Variants in COG7 observed in about 807,000 individuals in gnomAD.
COG7 encodes conserved oligomeric Golgi complex subunit 7.
A neutral mutation model predicts 91.5 loss-of-function variants in COG7; 49 were observed. The observed-to-expected ratio is 0.54, with a 90% CI of 0.43 to 0.68. The LOEUF (loss-of-function observed/expected upper bound fraction) is 0.68. Among genes scored for constraint, COG7 ranks in the 30% least tolerant of loss-of-function variants. The pLI, the probability that COG7 is intolerant of heterozygous loss-of-function variation, is 0.00. For missense variants in COG7, 895 were observed against 961.3 expected (o/e 0.93, Z 0.91); for synonymous variants, 365 against 388.7 (o/e 0.94, Z 0.72).
At chr16:23,427,657 G>A (rs1963870131) in intron 6 of COG7, among the ~76,000 whole-genome samples, 1 of 152,124 alleles carries the variant, frequency 6.6e-6, no homozygotes, top group Admixed American at 6.6e-5. Flanking sequence ...TCCAACTTCT[G>A]TGTTCCCGTC....
Position 23,452,699 on chromosome 16 carries a change from C to T in COG7, c.169+127G>A, listed in dbSNP as rs567718650. On this transcript the variant is annotated intron_variant, in intron 1 of 16. Coordinates refer to ENST00000307149, the MANE Select transcript of COG7 (RefSeq NM_153603.4). ...GACGTGATCAGGAGTTCGGGGCTTG[C>T]TCTTTTGCCGAGGGTATTTGCTGTC... 7.0e-4 allele frequency: 1,028 copies of T among 1,467,120 alleles called. 2 individuals are homozygous for T. The highest frequency in any genetic ancestry group is 4.0e-3 in the Middle Eastern group (16 of 4,046). The allele number at this position is 1,467,120 out of a possible 1,614,324, so 90.9% of individuals were successfully genotyped here. A position where few individuals can be genotyped will look rare whatever the true frequency, so the allele number is the denominator to read the frequency against.
chr16:23,406,508 A>G (rs1011654040), intron 11 of COG7, among the ~76,000 whole-genome samples: 2 of 152,134 alleles, frequency 1.3e-5, no homozygotes, highest in African/African-American at 2.4e-5. Flanking sequence ...AGAACATGCT[A>G]TCTCCCTAAT....
intron 16 of COG7, chr16:23,392,102 G>A: frequency 7.5e-7 from 1 of 1,337,490 alleles, no homozygotes. Flanking sequence ...GTGGGGCCAG[G>A]CTGCAGGACT....
chr16:23,394,510 GT>G lies in COG7; in HGVS notation c.1888-1164del, dbSNP rs972727693. ...TTAAAAGGTCTTTCTGCCTGTTGTT[GT>G]TTTTTTTTTCTTCCTGCTACATATT... On this transcript the variant is annotated intron_variant, in intron 14 of 16. Coordinates refer to ENST00000307149, the MANE Select transcript of COG7 (RefSeq NM_153603.4). 6.1e-5 allele frequency among the ~76,000 whole-genome samples: 9 copies of G among 148,374 alleles called. No homozygotes were observed. In the South Asian group the frequency reaches 6.4e-4, roughly 11 times the overall value.
intron 16 of COG7, among the ~76,000 whole-genome samples, chr16:23,391,618 CTG>C (rs1164185234): frequency 6.6e-6 from 1 of 152,272 alleles, no homozygotes; most frequent in Non-Finnish European, 1.5e-5. Flanking sequence ...GAAGCTCTGG[CTG>C]TGTCCCCAGG....
chr16:23,409,890 C>T (rs1013559648), intron 11 of COG7, among the ~76,000 whole-genome samples: 1 of 152,156 alleles, frequency 6.6e-6, no homozygotes, highest in Admixed American at 6.5e-5. Context: ...TAAGTTCACC[C>T]CGATCCTGAA....
intron 6 of COG7, among the ~76,000 whole-genome samples, chr16:23,431,528 G>A (rs2142085912): frequency 6.6e-6 from 1 of 152,178 alleles, no homozygotes; most frequent in South Asian, 2.1e-4. Flanking sequence ...TTTTTTTCTT[G>A]GCCGGGCACA....
Position 23,452,861 on chromosome 16 carries a change from T to C in COG7, c.134A>G (p.Gln45Arg). The part of the protein sequence containing the change: ...GHAATLVMKL[Q>R]LFIQEVNHAV... ...GTGGTTCACCTCTTGGATGAACAGC[T>C]GCAGCTTCATCACCAGGGTGGCTGC... Residue 45 changes from glutamine to arginine, a missense_variant, in exon 1 of 17, where the codon CAG (glutamine) becomes CGG (arginine). Gln to Arg is a conservative substitution (Grantham distance 43, BLOSUM62 1). Coordinates refer to ENST00000307149, the MANE Select transcript of COG7 (RefSeq NM_153603.4). 1 of 1,613,820 alleles carries C rather than the reference T, an allele frequency of 6.2e-7. No individual in the cohort carries two copies. Among genetic ancestry groups the C allele is most frequent in the Non-Finnish European group, 8.5e-7 (1 of 1,179,928 alleles).
intron 6 of COG7, among the ~76,000 whole-genome samples, chr16:23,432,353 T>C (rs924031968): frequency 2.0e-5 from 3 of 151,824 alleles, no homozygotes; most frequent in African/African-American, 7.3e-5. Flanking sequence ...AAATAAAATA[T>C]GGGGAACGTG....
At chr16:23,452,544 T>C (rs1403666103) in intron 1 of COG7, among the ~76,000 whole-genome samples, 3 of 151,956 alleles carry the variant, frequency 2.0e-5, no homozygotes, top group Non-Finnish European at 4.4e-5. Context: ...AGAGACCCTG[T>C]TTCAAAAGAA....
intron 9 of COG7, chr16:23,415,837 C>G (rs1429979291): frequency 6.6e-6 from 1 of 152,128 alleles, no homozygotes; most frequent in Non-Finnish European, 1.5e-5. Flanking sequence ...TTCCCCAAAC[C>G]CTCCTCACTA....
At chr16:23,427,484 A>C (rs563694830) in intron 6 of COG7, among the ~76,000 whole-genome samples, 3 of 151,992 alleles carry the variant, frequency 2.0e-5, no homozygotes, top group Admixed American at 6.6e-5. Context: ...AAAAGAAAAA[A>C]AAAAAACAAA....
chr16:23,442,639 C>G lies in COG7; in HGVS notation c.442G>C (p.Ala148Pro), dbSNP rs1369361433. 1 of 1,613,402 alleles carries G rather than the reference C, an allele frequency of 6.2e-7. No individual in the cohort carries two copies. The highest frequency in any genetic ancestry group is 1.3e-5 in the African/African-American group (1 of 75,026). ...IEETFKTQDI[A>P]VISAKLTGMQ... Reference sequence around the variant, plus strand: ...CCTGTTAGCTTGGCAGAAATCACAGCTATGTCCTAGAAAAGACCAGAATAG... The same window carrying G: ...CCTGTTAGCTTGGCAGAAATCACAGGTATGTCCTAGAAAAGACCAGAATAG... Residue 148 changes from alanine (A) to proline (P), a missense_variant, in exon 4 of 17, where the codon GCT (alanine) becomes CCT (proline). Transcript: ENST00000307149.
intron 6 of COG7, among the ~76,000 whole-genome samples, chr16:23,426,805 C>A (rs574686418): frequency 1.4e-4 from 14 of 98,944 alleles, no homozygotes; most frequent in Admixed American, 1.2e-3. Flanking sequence ...AAGTCCTAGC[C>A]AGAGCAATTG....
intron 13 of COG7, among the ~76,000 whole-genome samples, chr16:23,400,983 G>C (rs201478466): frequency 6.6e-5 from 10 of 150,796 alleles, no homozygotes; most frequent in Admixed American, 2.6e-4. Flanking sequence ...AAAAAAAGGG[G>C]GGGGGGAAAA....
At chr16:23,444,670 A>AT (rs1964154220) in intron 3 of COG7, among the ~76,000 whole-genome samples, 1 of 151,148 alleles carries the variant, frequency 6.6e-6, no homozygotes, top group South Asian at 2.1e-4. Context: ...CACCTGGCTA[A>AT]TTTTTTAATT....
chr16:23,405,229 T>A (rs1346732250), intron 12 of COG7, among the ~76,000 whole-genome samples: 1 of 152,152 alleles, frequency 6.6e-6, no homozygotes, highest in Non-Finnish European at 1.5e-5. Flanking sequence ...CATGGTCCCA[T>A]GTGGAAGAAC....
chr16:23,391,460 A>G (rs1963194648), intron 16 of COG7, among the ~76,000 whole-genome samples: 1 of 152,210 alleles, frequency 6.6e-6, no homozygotes, highest in South Asian at 2.1e-4. Context: ...AGCAGGGGTC[A>G]GGAACTCAGG....
intron 4 of COG7, among the ~76,000 whole-genome samples, chr16:23,437,947 T>TG (rs1964037151): frequency 6.6e-6 from 1 of 151,884 alleles, no homozygotes; most frequent in Non-Finnish European, 1.5e-5. Context: ...TAGCTGGGTG[T>TG]GGTGGCACAC....
Sources: allele counts gnomAD v4.1 joint callset (sites outside exome capture counted in the v4.1 genomes callset), GRCh38; gene constraint gnomAD v4.1.1; transcripts MANE v1.5; gene names NCBI Gene and HGNC (gene_info 2026-07-23, HGNC 2026-07-21).